PPP4R4: variants seen among roughly 807,000 people sequenced by gnomAD.
The protein encoded by PPP4R4 is serine/threonine-protein phosphatase 4 regulatory subunit 4.
A neutral mutation model predicts 121.8 loss-of-function variants in PPP4R4; 70 were observed. That is an observed-to-expected ratio of 0.57 (90% CI 0.47 to 0.70). The LOEUF is 0.70. Ranked by LOEUF, PPP4R4 falls within the 30% of genes least tolerant of loss-of-function variation. The pLI, the probability that PPP4R4 is intolerant of heterozygous loss-of-function variation, is 0.00. For synonymous variants in PPP4R4, 348 were observed against 355.7 expected, an observed-to-expected ratio of 0.98 and a Z score of 0.24; for missense variants, 875 against 1,033.6, an observed-to-expected ratio of 0.85 and a Z score of 2.10.
intron 2 of PPP4R4, among the ~76,000 whole-genome samples, chr14:94,206,332 A>G (rs1890458011): frequency 6.6e-6 from 1 of 151,404 alleles, no homozygotes. Flanking sequence ...TCCATTCTTT[A>G]TTTTCAACCA....
chr14:94,180,392 A>T (rs1595443801), intron 2 of PPP4R4, among the ~76,000 whole-genome samples: 1 of 152,150 alleles, frequency 6.6e-6, no homozygotes, highest in East Asian at 1.9e-4. Flanking sequence ...CAGCCTGTTG[A>T]TTTATATTTT....
intron 23 of PPP4R4, among the ~76,000 whole-genome samples, 178 bp from the exon 24 acceptor site, chr14:94,275,196 C>A (rs1189330580): frequency 6.6e-6 from 1 of 152,160 alleles, no homozygotes; most frequent in Non-Finnish European, 1.5e-5. Context: ...GTGATGACTT[C>A]ATGGGGGTGT....
chr14:94,265,532 C>T, intron 21 of PPP4R4, 59 bp downstream of exon 21: 1 of 1,413,444 alleles, frequency 7.1e-7, no homozygotes, highest in Non-Finnish European at 1.0e-6. Flanking sequence ...ATACAAATTG[C>T]TGGGAAAGTC....
rs117446998 is a variant in PPP4R4 at position 94,199,924 on chromosome 14, G to A, written c.192-8540G>A. ...CTTGGGGTTTTTATAGGCACAGGAT[G>A]AGGGTGTGGTGGGCCAGGGTGGTCT... On this transcript the variant is annotated intron_variant, in intron 2 of 24. Transcript: ENST00000304338. Among the ~76,000 whole-genome samples the A allele has an allele frequency of 1.5e-3, 229 of 152,228 alleles. 7 individuals carry two copies. In the East Asian group the frequency reaches 0.043, roughly 28 times the overall value.
chr14:94,203,633 A>G (rs974357141), intron 2 of PPP4R4, among the ~76,000 whole-genome samples: 1 of 152,182 alleles, frequency 6.6e-6, no homozygotes, highest in African/African-American at 2.4e-5. Flanking sequence ...AGAAACTTCC[A>G]AAGTGTTTTC....
rs773307598 is a variant in PPP4R4 at position 94,230,684 on chromosome 14, C to G, written c.392C>G (p.Thr131Ser). The change falls in exon 4 of 25, where the codon ACC becomes AGC. Residue 131 changes from threonine to serine, a missense_variant. Transcript: ENST00000304338. ...GAATCAGTGTCAATTCATGCATATACCCACTCATTCCTCCAAGTCATTCTC... is the reference window on the plus strand; with the variant it reads ...GAATCAGTGTCAATTCATGCATATAGCCACTCATTCCTCCAAGTCATTCTC... ...QDESVSIHAY[T>S]HSFLQVILLH... 1 of 1,613,196 alleles carries G rather than the reference C, an allele frequency of 6.2e-7. No individual in the cohort carries two copies. Among genetic ancestry groups the G allele is most frequent in the Admixed American group, 1.7e-5 (1 of 60,024 alleles).
At chr14:94,208,278 G>T (rs940719865) in intron 2 of PPP4R4, among the ~76,000 whole-genome samples, 186 bp from the exon 3 acceptor site, 2 of 151,832 alleles carry the variant, frequency 1.3e-5, no homozygotes, top group African/African-American at 2.4e-5. Flanking sequence ...TATAAGATTT[G>T]CTTAATAAAA....
intron 16 of PPP4R4, among the ~76,000 whole-genome samples, chr14:94,252,796 C>T (rs1298707932): frequency 6.6e-6 from 1 of 152,174 alleles, no homozygotes; most frequent in African/African-American, 2.4e-5. Context: ...TACATTGGGG[C>T]ACTTAGTCTT....
At chr14:94,242,111 A>G (rs1221232609) in intron 10 of PPP4R4, among the ~76,000 whole-genome samples, 154 bp downstream of exon 10, 1 of 152,152 alleles carries the variant, frequency 6.6e-6, no homozygotes, top group Non-Finnish European at 1.5e-5. Context: ...TGTGAAATTT[A>G]TATCTCTACG....
At chr14:94,267,654 A>T (rs1404761396) in intron 23 of PPP4R4, among the ~76,000 whole-genome samples, 2 of 152,222 alleles carry the variant, frequency 1.3e-5, no homozygotes, top group Non-Finnish European at 2.9e-5. Context: ...ACTATAAATA[A>T]TGTAGACTAT....
intron 3 of PPP4R4, among the ~76,000 whole-genome samples, chr14:94,223,137 T>C (rs1411586167): frequency 6.6e-6 from 1 of 152,188 alleles, no homozygotes; most frequent in African/African-American, 2.4e-5. Context: ...TTTATCCTCT[T>C]GAACCATGTA....
intron 2 of PPP4R4, among the ~76,000 whole-genome samples, chr14:94,194,868 C>T (rs576022077): frequency 9.2e-5 from 14 of 152,316 alleles, no homozygotes; most frequent in African/African-American, 3.1e-4. Context: ...TAAGAACTCC[C>T]ATTTTAATGC....
At chr14:94,191,717 C>T (rs896311176) in intron 2 of PPP4R4, among the ~76,000 whole-genome samples, 5 of 152,184 alleles carry the variant, frequency 3.3e-5, no homozygotes, top group South Asian at 2.1e-4. Flanking sequence ...ATGAAACTTT[C>T]GTATACTGTT....
At chr14:94,176,452 T>A (rs1256786280) in intron 2 of PPP4R4, among the ~76,000 whole-genome samples, 2 of 152,214 alleles carry the variant, frequency 1.3e-5, no homozygotes, top group Non-Finnish European at 2.9e-5. Context: ...GAGACTTGAG[T>A]ATACAGTGAT....
chr14:94,238,038 G>A (rs536306448), intron 8 of PPP4R4, among the ~76,000 whole-genome samples: 1 of 152,330 alleles, frequency 6.6e-6, no homozygotes, highest in South Asian at 2.1e-4. Context: ...AGAAGTGGAA[G>A]GTGAAGCAGG....
intron 23 of PPP4R4, among the ~76,000 whole-genome samples, chr14:94,268,569 A>G: frequency 6.6e-6 from 1 of 152,202 alleles, no homozygotes; most frequent in East Asian, 1.9e-4. Flanking sequence ...GTCTGTTCTC[A>G]TGCTGTTAAT....
Position 94,174,360 on chromosome 14 carries a change from G to C in PPP4R4, c.-106G>C. ...CCTGGCAGCCTCACGCTCGGCTCCA[G>C]CGGCCAAGAGCCGGAGAAAGTCCTG... is the stretch of plus-strand genomic sequence containing the variant. On this transcript the variant is annotated 5_prime_UTR_variant, in exon 1 of 25. Coordinates refer to ENST00000304338, the MANE Select transcript of PPP4R4 (RefSeq NM_058237.2). The C allele has an allele frequency of 9.6e-7, 1 of 1,041,614 alleles. No individual in the cohort carries two copies. The highest frequency in any genetic ancestry group is 1.2e-6 in the Non-Finnish European group (1 of 810,566). 64.5% of individuals were successfully genotyped at this position (1,041,614 alleles called of 1,614,324 possible). A position where few individuals can be genotyped will look rare whatever the true frequency, so the allele number is the denominator to read the frequency against.
intron 15 of PPP4R4, among the ~76,000 whole-genome samples, chr14:94,250,908 T>C (rs1325785285): frequency 6.6e-6 from 1 of 152,014 alleles, no homozygotes; most frequent in East Asian, 1.9e-4. Context: ...AACTATATTA[T>C]CCAGCATAGG....
intron 2 of PPP4R4, among the ~76,000 whole-genome samples, chr14:94,185,347 A>T (rs1889213090): frequency 6.6e-6 from 1 of 152,110 alleles, no homozygotes; most frequent in South Asian, 2.1e-4. Flanking sequence ...CTCTACAAAA[A>T]AATTTAAGAA....
Sources: gnomAD v4.1 joint callset for allele counts (sites outside exome capture counted in the v4.1 genomes callset) on GRCh38, gnomAD v4.1.1 for gene constraint, MANE v1.5 for transcripts, NCBI Gene and HGNC (gene_info 2026-07-23, HGNC 2026-07-21) for gene names.